Variants in TRIO observed in about 807,000 individuals in gnomAD.
TRIO encodes triple functional domain protein.
Under a neutral mutation model 351.9 loss-of-function variants are expected in TRIO, and 58 were observed. That is an observed-to-expected ratio of 0.16 (90% CI 0.13 to 0.21). The LOEUF is 0.21. TRIO is among the 10% of genes least tolerant of loss of function. The probability of loss-of-function intolerance (pLI) is 1.00; values close to 1 mark genes in which losing one functional copy is unlikely to be tolerated. For missense variants in TRIO, 3,201 were observed against 4,027.8 expected (o/e 0.79, Z 5.56); for synonymous variants, 1,758 against 1,595.7 (o/e 1.10, Z -2.42).
intron 31 of TRIO, among the ~76,000 whole-genome samples, chr5:14,405,028 A>G (rs1023156994): frequency 6.6e-6 from 1 of 151,128 alleles, no homozygotes; most frequent in Non-Finnish European, 1.5e-5. Flanking sequence ...GAAATTAGAA[A>G]GCTGTTAGGA....
intron 11 of TRIO, among the ~76,000 whole-genome samples, chr5:14,338,650 C>G (rs1272989639): frequency 6.6e-6 from 1 of 152,194 alleles, no homozygotes; most frequent in African/African-American, 2.4e-5. Context: ...GCAGCCTGGA[C>G]CCTTCTGAGG....
chr5:14,394,428 C>T (rs1747383723), intron 28 of TRIO, among the ~76,000 whole-genome samples: 1 of 152,116 alleles, frequency 6.6e-6, no homozygotes, highest in Non-Finnish European at 1.5e-5. Context: ...TGACTGCGGG[C>T]CAGGCATGGT....
At chr5:14,489,750 C>G (rs962645567) in intron 48 of TRIO, among the ~76,000 whole-genome samples, 2 of 152,212 alleles carry the variant, frequency 1.3e-5, no homozygotes, top group Admixed American at 6.5e-5. Context: ...CACCCTGGCT[C>G]CATCCTGAAT....
At chr5:14,392,259 A>T (rs1747149503) in intron 27 of TRIO, among the ~76,000 whole-genome samples, 1 of 152,122 alleles carries the variant, frequency 6.6e-6, no homozygotes, top group South Asian at 2.1e-4. Flanking sequence ...AAAACCTATC[A>T]AAAAGTGGGC....
intron 28 of TRIO, among the ~76,000 whole-genome samples, chr5:14,395,448 C>A (rs1175937519): frequency 2.0e-5 from 3 of 152,198 alleles, no homozygotes; most frequent in African/African-American, 7.2e-5. Flanking sequence ...AATTTGTAAA[C>A]CTCGCCTTAC....
intron 34 of TRIO, among the ~76,000 whole-genome samples, chr5:14,431,867 C>T (rs1751178971): frequency 1.3e-5 from 2 of 152,196 alleles, no homozygotes; most frequent in Non-Finnish European, 2.9e-5. Context: ...CTTGCTGATT[C>T]TCCATATAGC....
At chr5:14,176,099 G>T (rs758913968) in intron 1 of TRIO, among the ~76,000 whole-genome samples, 150 of 152,178 alleles carry the variant, frequency 9.9e-4, no homozygotes, top group Admixed American at 1.8e-3. Context: ...AGTCGAGGAG[G>T]AGTTCAAGGC....
intron 11 of TRIO, among the ~76,000 whole-genome samples, chr5:14,343,089 C>CAAAA (rs34378604): frequency 1.5e-5 from 2 of 135,550 alleles, no homozygotes; most frequent in African/African-American, 2.8e-5. Flanking sequence ...CAGAAAGTTG[C>CAAAA]AAAAAAAAAA....
intron 11 of TRIO, among the ~76,000 whole-genome samples, chr5:14,353,027 T>C (rs1007087066): frequency 3.9e-5 from 6 of 152,126 alleles, no homozygotes; most frequent in African/African-American, 1.4e-4. Context: ...CATACTGTAC[T>C]ATTTTTAGGA....
At chr5:14,229,094 T>C (rs1254332142) in intron 1 of TRIO, among the ~76,000 whole-genome samples, 1 of 152,180 alleles carries the variant, frequency 6.6e-6, no homozygotes, top group Non-Finnish European at 1.5e-5. Flanking sequence ...ATGATATATA[T>C]AGATTTATTT....
chr5:14,434,415 C>T (rs1751422874), intron 34 of TRIO, among the ~76,000 whole-genome samples: 1 of 152,054 alleles, frequency 6.6e-6, no homozygotes, highest in South Asian at 2.1e-4. Flanking sequence ...ACTTTACCTA[C>T]TTTTTTCTGG....
At position 14,455,918 on chromosome 5, in the gene TRIO, ATGGGACCGG is replaced by A. The variant is rs1214047040; in HGVS notation, c.5204-5100_5204-5092del. 1.6e-4 allele frequency among the ~76,000 whole-genome samples: 24 copies of A among 152,206 alleles called. No homozygotes were observed. The East Asian group carries it at 2.7e-3, about 17-fold the overall frequency. ...GCACTCCTCAGCCCTTGGGCAGTCG[ATGGGACCGG>A]GCGCTGCGGAGGCTCAGGCTGCGTG... On this transcript the variant is annotated intron_variant, in intron 34 of 56. Transcript: ENST00000344204.
At chr5:14,173,049 A>C (rs1377573071) in intron 1 of TRIO, among the ~76,000 whole-genome samples, 1 of 152,208 alleles carries the variant, frequency 6.6e-6, no homozygotes, top group Non-Finnish European at 1.5e-5. Context: ...TTTTCCAAAA[A>C]TGCTTGTTTC....
rs763502116 is a variant in TRIO at position 14,336,706 on chromosome 5, C to T, written c.2025C>T (p.Ser675=). 2 of 1,614,182 alleles carry T rather than the reference C, an allele frequency of 1.2e-6. No homozygotes were observed. The highest frequency in any genetic ancestry group is 1.7e-6 in the Non-Finnish European group (2 of 1,180,036). ...QRKILLDMSV[S]FHTHVKELWT... ...AGATCCTACTGGACATGTCAGTGTC[C>T]TTTCACACCCATGTGAAAGAGGTAA... Residue 675 remains serine (S), a synonymous_variant, in exon 11 of 57, where the codon TCC becomes TCT. Coordinates refer to ENST00000344204, the MANE Select transcript of TRIO (RefSeq NM_007118.4).
chr5:14,234,507 A>T (rs759957815), intron 1 of TRIO, among the ~76,000 whole-genome samples: 1 of 152,324 alleles, frequency 6.6e-6, no homozygotes, highest in East Asian at 1.9e-4. Flanking sequence ...ATCTCAGTAG[A>T]TACCTGTGTG....
At chr5:14,327,321 C>T (rs1380399514) in intron 9 of TRIO, among the ~76,000 whole-genome samples, 6 of 152,126 alleles carry the variant, frequency 3.9e-5, no homozygotes, top group South Asian at 2.1e-4. Flanking sequence ...TACACCACCA[C>T]GCCCGGCTAA....
At chr5:14,382,240 T>A (rs916055926) in intron 21 of TRIO, among the ~76,000 whole-genome samples, 2 of 152,242 alleles carry the variant, frequency 1.3e-5, no homozygotes, top group Admixed American at 1.3e-4. Context: ...TACCCTGGCT[T>A]TGAAAACATA....
intron 34 of TRIO, among the ~76,000 whole-genome samples, chr5:14,439,050 C>G (rs998209638): frequency 1.3e-5 from 2 of 152,152 alleles, no homozygotes; most frequent in Non-Finnish European, 2.9e-5. Context: ...GAGATGGAGT[C>G]TGTCACCTAG....
chr5:14,351,343 T>G (rs1430885486), intron 11 of TRIO, among the ~76,000 whole-genome samples: 4 of 152,194 alleles, frequency 2.6e-5, no homozygotes, highest in Admixed American at 6.5e-5. Flanking sequence ...TGTGTCACAT[T>G]TTATGTGCAT....
Sources: gnomAD v4.1 joint callset for allele counts (sites outside exome capture counted in the v4.1 genomes callset) on GRCh38, gnomAD v4.1.1 for gene constraint, MANE v1.5 for transcripts, NCBI Gene and HGNC (gene_info 2026-07-23, HGNC 2026-07-21) for gene names.